Variants in RGS6 observed in about 807,000 individuals in gnomAD.
The protein encoded by RGS6 is regulator of G protein signaling 6.
In RGS6, 30 loss-of-function variants were observed where a neutral mutation model predicts 78.5. That is an observed-to-expected ratio of 0.38 (90% CI 0.29 to 0.52). RGS6 has a LOEUF of 0.52. Ranked by LOEUF, RGS6 falls within the 20% of genes least tolerant of loss-of-function variation. RGS6 has a pLI of 0.85. For synonymous variants in RGS6, 206 were observed against 206.0 expected (o/e 1.00, Z 0.00); for missense variants, 495 against 609.7 (o/e 0.81, Z 1.98).
chr14:72,167,828 A>G (rs2153674874), intron 2 of RGS6, among the ~76,000 whole-genome samples: 1 of 152,320 alleles, frequency 6.6e-6, no homozygotes, highest in East Asian at 1.9e-4. Flanking sequence ...AATATTAAAT[A>G]GCTGGGGGTG....
the RGS6 span, among the ~76,000 whole-genome samples, chr14:72,619,024 G>C: frequency 2.0e-5 from 3 of 152,346 alleles, no homozygotes; most frequent in East Asian, 5.8e-4. Context: ...GTAAAAGTGA[G>C]AGGGGTTCCA....
intron 2 of RGS6, among the ~76,000 whole-genome samples, chr14:72,203,035 C>A (rs964299245): frequency 2.0e-5 from 3 of 151,946 alleles, no homozygotes; most frequent in Non-Finnish European, 2.9e-5. Context: ...CCACCACACC[C>A]GGCTAATTTT....
chr14:72,567,858 A>G (rs2097715523), downstream of RGS6, among the ~76,000 whole-genome samples: 1 of 151,824 alleles, frequency 6.6e-6, no homozygotes, highest in Non-Finnish European at 1.5e-5. Flanking sequence ...TGAACCCCTG[A>G]CCCCCGTCGT....
At chr14:72,056,559 A>G (rs59575220) in intron 2 of RGS6, among the ~76,000 whole-genome samples, 259 of 152,358 alleles carry the variant, frequency 1.7e-3, no homozygotes, top group African/African-American at 5.8e-3. Context: ...CCCTAAAACA[A>G]TGACTTTAGT....
intron 3 of RGS6, among the ~76,000 whole-genome samples, chr14:72,438,045 A>C (rs1488427045): frequency 6.6e-6 from 1 of 150,858 alleles, no homozygotes; most frequent in Non-Finnish European, 1.5e-5. Context: ...GTGAATCAAG[A>C]CAGGAGCAGG....
the RGS6 span, among the ~76,000 whole-genome samples, chr14:71,881,722 C>T: frequency 9.2e-5 from 14 of 152,134 alleles, no homozygotes; most frequent in African/African-American, 3.1e-4. Context: ...ATGTCTTTAT[C>T]AGCAGTGTGA....
chr14:72,548,520 A>G (rs2097446580), intron 17 of RGS6, among the ~76,000 whole-genome samples: 2 of 152,356 alleles, frequency 1.3e-5, no homozygotes, highest in South Asian at 2.1e-4. Context: ...GGGCAGCTTT[A>G]GGCTATATAA....
chr14:72,540,152 T>G (rs1249602494), intron 17 of RGS6, 58 bp downstream of exon 17: 1 of 1,532,630 alleles, frequency 6.5e-7, no homozygotes, highest in Non-Finnish European at 8.7e-7. Flanking sequence ...TTTTTCTTTC[T>G]TCTTCTTTTT....
upstream of RGS6, among the ~76,000 whole-genome samples, chr14:71,930,363 G>A (rs1375659533): frequency 6.6e-6 from 1 of 151,942 alleles, no homozygotes; most frequent in Non-Finnish European, 1.5e-5. Context: ...TCTTGGCCAT[G>A]TCAGCAAAAA....
chr14:72,310,432 C>T (rs938666330), intron 2 of RGS6, among the ~76,000 whole-genome samples: 4 of 152,198 alleles, frequency 2.6e-5, no homozygotes, highest in Non-Finnish European at 5.9e-5. Context: ...ACCTTTGCTC[C>T]AACATGTCTG....
intron 17 of RGS6, among the ~76,000 whole-genome samples, chr14:72,560,963 C>T (rs141427520): frequency 6.6e-6 from 1 of 152,038 alleles, no homozygotes; most frequent in Non-Finnish European, 1.5e-5. Context: ...CTCCTGAGGG[C>T]AATTTCATTT....
intron 2 of RGS6, among the ~76,000 whole-genome samples, chr14:72,121,070 CT>C (rs1223697502): frequency 2.0e-5 from 3 of 152,152 alleles, no homozygotes; most frequent in African/African-American, 7.2e-5. Flanking sequence ...TGGTCCAGCT[CT>C]TTTAACCGCA....
chr14:72,343,054 A>C (rs2077337117), intron 2 of RGS6, among the ~76,000 whole-genome samples: 1 of 152,180 alleles, frequency 6.6e-6, no homozygotes, highest in Non-Finnish European at 1.5e-5. Context: ...CTGATTAGCC[A>C]AATATTTGCT....
intron 2 of RGS6, among the ~76,000 whole-genome samples, chr14:71,970,737 A>G (rs2093750601): frequency 6.6e-6 from 1 of 152,166 alleles, no homozygotes; most frequent in African/African-American, 2.4e-5. Context: ...CAAGATGAGA[A>G]CTGAGCCCTG....
At chr14:72,085,536 G>A (rs547104356) in intron 2 of RGS6, among the ~76,000 whole-genome samples, 1 of 152,144 alleles carries the variant, frequency 6.6e-6, no homozygotes, top group African/African-American at 2.4e-5. Flanking sequence ...TAGAAATTGG[G>A]GCTGTGCTTC....
chr14:72,592,954 A>G, the RGS6 span, among the ~76,000 whole-genome samples: 2 of 152,232 alleles, frequency 1.3e-5, no homozygotes, highest in Admixed American at 6.5e-5. Flanking sequence ...TTGTAAGCCA[A>G]TGGTACAGGG....
intron 2 of RGS6, among the ~76,000 whole-genome samples, chr14:72,153,788 T>C (rs962120467): frequency 1.3e-5 from 2 of 152,136 alleles, no homozygotes; most frequent in Admixed American, 6.5e-5. Context: ...GATCATATGC[T>C]TCTGGGGAAA....
chr14:72,198,922 A>G (rs2040838974), intron 2 of RGS6, among the ~76,000 whole-genome samples: 1 of 152,260 alleles, frequency 6.6e-6, no homozygotes, highest in Non-Finnish European at 1.5e-5. Flanking sequence ...GTAGAGGTTT[A>G]TAGGACAGAA....
At chr14:72,599,037 A>G in the RGS6 span, among the ~76,000 whole-genome samples, 1 of 152,088 alleles carries the variant, frequency 6.6e-6, no homozygotes. Flanking sequence ...TGGTCTGGGC[A>G]TTGGGAGACC....
Sources: gnomAD v4.1 joint callset for allele counts (sites outside exome capture counted in the v4.1 genomes callset) on GRCh38, gnomAD v4.1.1 for gene constraint, MANE v1.5 for transcripts, NCBI Gene and HGNC (gene_info 2026-07-23, HGNC 2026-07-21) for gene names.